ZSCAN5C: variants seen among roughly 807,000 people sequenced by gnomAD.
ZSCAN5C encodes the protein zinc finger and SCAN domain-containing protein 5C.
ZSCAN5C carries 11 observed loss-of-function variants against 17.3 expected under a neutral mutation model. The observed-to-expected ratio is 0.64, with a 90% CI of 0.40 to 1.06. ZSCAN5C has a LOEUF of 1.06. Ranked by LOEUF, ZSCAN5C falls within the 50% of genes least tolerant of loss-of-function variation. ZSCAN5C has a pLI of 0.00. For synonymous variants in ZSCAN5C, 229 were observed against 208.4 expected, an observed-to-expected ratio of 1.10 and a Z score of -0.85; for missense variants, 698 against 538.9, an observed-to-expected ratio of 1.30 and a Z score of -2.92.
chr19:56,207,128 G>T (rs200501867), exon 3 of ZSCAN5C: 6 of 774,182 alleles, frequency 7.8e-6, no homozygotes, highest in Middle Eastern at 2.2e-4. Context: ...TGAAGCCCCC[G>T]CCAGTGTCAG....
chr19:56,207,786 G>C (rs536914153), intron 3 of ZSCAN5C, among the ~76,000 whole-genome samples: 2 of 151,916 alleles, frequency 1.3e-5, no homozygotes, highest in Admixed American at 6.5e-5. Flanking sequence ...CCCCCTCCAG[G>C]AGGGTGATGC....
At chr19:56,207,033 T>C in intron 2 of ZSCAN5C, 26 bp from the exon 3 acceptor site, 3 of 701,288 alleles carry the variant, frequency 4.3e-6, no homozygotes, top group East Asian at 2.7e-5. Context: ...TCATAGTTAG[T>C]CTGATTGCTT....
exon 2 of ZSCAN5C, chr19:56,206,230 T>C: frequency 6.3e-7 from 1 of 1,576,772 alleles, no homozygotes; most frequent in Non-Finnish European, 8.6e-7. Flanking sequence ...TTAGTCATGA[T>C]GAACGGTGTG....
intron 1 of ZSCAN5C, among the ~76,000 whole-genome samples, chr19:56,205,306 C>T (rs534693551): frequency 7.2e-4 from 109 of 151,998 alleles, no homozygotes; most frequent in Non-Finnish European, 1.4e-3. Flanking sequence ...TTCTTTAGTG[C>T]TGTCCCTTCT....
At chr19:56,204,922 TAGGAA>T (rs975415997) in intron 1 of ZSCAN5C, among the ~76,000 whole-genome samples, 7 of 151,972 alleles carry the variant, frequency 4.6e-5, no homozygotes, top group Non-Finnish European at 1.0e-4. Context: ...AAGCTAGGTT[TAGGAA>T]TTAATTTTTA....
exon 4 of ZSCAN5C, chr19:56,208,148 C>G: frequency 1.3e-6 from 1 of 779,962 alleles, no homozygotes; most frequent in Non-Finnish European, 2.4e-6. Flanking sequence ...GAACCCAGGA[C>G]TTACATCCCC....
At chr19:56,203,250 G>A (rs984955571) in intron 1 of ZSCAN5C, among the ~76,000 whole-genome samples, 3 of 151,358 alleles carry the variant, frequency 2.0e-5, no homozygotes, top group African/African-American at 7.3e-5. Context: ...AGAATTTCAG[G>A]CTGCCTTTTC....
intron 1 of ZSCAN5C, among the ~76,000 whole-genome samples, chr19:56,204,711 T>C (rs2032903304): frequency 6.6e-6 from 1 of 151,938 alleles, no homozygotes; most frequent in South Asian, 2.1e-4. Context: ...TCAAAGTCCT[T>C]CCAGGAAGTG....
At chr19:56,206,142 C>A in exon 2 of ZSCAN5C, 1 of 1,604,080 alleles carries the variant, frequency 6.2e-7, no homozygotes, top group Non-Finnish European at 8.5e-7. Flanking sequence ...GAGGCCCGAC[C>A]TCCACACCAA....
At chr19:56,208,630 T>C (rs779854030) in exon 5 of ZSCAN5C, 10 of 1,609,732 alleles carry the variant, frequency 6.2e-6, no homozygotes, top group East Asian at 2.2e-5. Flanking sequence ...CCACCTCCAT[T>C]TCCCAAGAAG....
intron 3 of ZSCAN5C, 98 bp from the exon 4 acceptor site, chr19:56,207,936 G>A (rs73067806): frequency 0.028 from 17,786 of 631,922 alleles, 329 homozygotes; most frequent in Middle Eastern, 0.038. Flanking sequence ...CCACACCTGT[G>A]TCATTAGAAG....
At chr19:56,202,536 A>G (rs1307076362) in intron 1 of ZSCAN5C, among the ~76,000 whole-genome samples, 2 of 151,872 alleles carry the variant, frequency 1.3e-5, no homozygotes, top group African/African-American at 2.4e-5. Context: ...GACTTGTTAT[A>G]TAACTCTCCC....
chr19:56,207,269 G>A lies in ZSCAN5C; in HGVS notation c.588+7G>A, dbSNP rs767636081. ...TGCACTGTTCAGGAGGCAGGTGGGT[G>A]TGTGAGGCCTTGGTGTCTGGGCAGA... On this transcript the variant is annotated splice_region_variant and intron_variant, in intron 3 of 4. Transcript: ENST00000534327. The A allele has an allele frequency of 1.3e-6, 1 of 773,422 alleles. No homozygotes were observed. Among genetic ancestry groups the A allele is most frequent in the South Asian group, 1.4e-5 (1 of 73,616 alleles). The allele number at this position is 773,422 out of a possible 1,614,324, so 47.9% of individuals were successfully genotyped here.
intron 1 of ZSCAN5C, among the ~76,000 whole-genome samples, chr19:56,204,655 G>T (rs377561259): frequency 3.0e-4 from 46 of 151,884 alleles, no homozygotes; most frequent in Middle Eastern, 3.4e-3. Context: ...GTTGTCTCCC[G>T]CCTCTGCCGA....
chr19:56,205,999 C>A (rs1386770179), exon 2 of ZSCAN5C: 3 of 1,602,400 alleles, frequency 1.9e-6, no homozygotes, highest in Middle Eastern at 1.7e-4. Context: ...ATGCCATCCC[C>A]AGCAACTCAA....
chr19:56,207,949 T>C, intron 3 of ZSCAN5C, 85 bp from the exon 4 acceptor site: 1 of 639,874 alleles, frequency 1.6e-6, no homozygotes, highest in South Asian at 1.8e-5. Context: ...ATTAGAAGAG[T>C]TGGTGCATCC....
At chr19:56,208,457 G>T in exon 5 of ZSCAN5C, 1 of 1,364,910 alleles carries the variant, frequency 7.3e-7, no homozygotes, top group East Asian at 2.3e-5. Flanking sequence ...AGCAGGGGTG[G>T]TGGGAGCAAA....
At chr19:56,207,148 G>A (rs559862308) in exon 3 of ZSCAN5C, 5 of 778,018 alleles carry the variant, frequency 6.4e-6, no homozygotes, top group Admixed American at 1.7e-5. Context: ...GAGATGATCC[G>A]AGACACGTGT....
intron 2 of ZSCAN5C, among the ~76,000 whole-genome samples, chr19:56,206,569 C>T (rs141271917): frequency 0.015 from 2,249 of 151,826 alleles, 31 homozygotes; most frequent in African/African-American, 0.051. Context: ...TGTGCTGAGA[C>T]GGCAAGTTCC....
Sources: allele counts gnomAD v4.1 joint callset (sites outside exome capture counted in the v4.1 genomes callset), GRCh38; gene constraint gnomAD v4.1.1; transcripts MANE v1.5; gene names NCBI Gene and HGNC (gene_info 2026-07-23, HGNC 2026-07-21).